Variants in KL observed in about 807,000 individuals in gnomAD.
The protein encoded by KL is alpha-klotho.
A neutral mutation model predicts 84.2 loss-of-function variants in KL; 62 were observed. That is an observed-to-expected ratio of 0.74 (90% CI 0.60 to 0.91). The LOEUF (loss-of-function observed/expected upper bound fraction) is 0.91, where lower values mean the gene tolerates loss of function less well. KL is among the 40% of genes least tolerant of loss of function. The pLI is 0.00. For synonymous variants in KL, 528 were observed against 528.0 expected, an observed-to-expected ratio of 1.00 and a Z score of 0.00; for missense variants, 1,261 against 1,305.7, an observed-to-expected ratio of 0.97 and a Z score of 0.53.
At chr13:33,057,982 C>A (rs1208429346) in intron 3 of KL, among the ~76,000 whole-genome samples, 1 of 152,202 alleles carries the variant, frequency 6.6e-6, no homozygotes, top group Admixed American at 6.5e-5. Context: ...GCATGCATTT[C>A]ACCTGAACAA....
intron 1 of KL, among the ~76,000 whole-genome samples, chr13:33,028,224 T>A (rs1251480889): frequency 6.6e-6 from 1 of 152,230 alleles, no homozygotes; most frequent in Non-Finnish European, 1.5e-5. Context: ...TAGCAACTGA[T>A]GGCCTCAGTC....
intron 1 of KL, among the ~76,000 whole-genome samples, chr13:33,031,721 T>C (rs1190291319): frequency 1.3e-5 from 2 of 152,176 alleles, no homozygotes; most frequent in African/African-American, 2.4e-5. Context: ...AATATGATAG[T>C]TATTACGAGA....
At chr13:33,052,384 C>T (rs1871787211) in intron 1 of KL, among the ~76,000 whole-genome samples, 1 of 152,116 alleles carries the variant, frequency 6.6e-6, no homozygotes, top group African/African-American at 2.4e-5. Context: ...AGAAGTGTGG[C>T]ACGATTAAGA....
chr13:33,039,766 G>A (rs1391271988), intron 1 of KL, among the ~76,000 whole-genome samples: 1 of 152,194 alleles, frequency 6.6e-6, no homozygotes, highest in African/African-American at 2.4e-5. Context: ...TTCAGGGCTA[G>A]TAGGTTGGCA....
chr13:33,054,181 A>G lies in KL; in HGVS notation c.1234A>G (p.Ile412Val), dbSNP rs1307500604. The G allele has an allele frequency of 1.1e-5, 17 of 1,613,828 alleles. No individual in the cohort carries two copies. The highest frequency in any genetic ancestry group is 1.4e-5 in the Non-Finnish European group (17 of 1,179,922). ...DLEFNHPQIF[I>V]VENGWFVSGT... The stretch of plus-strand genomic sequence containing the variant: ...TGAATTTAACCATCCTCAAATATTT[A>G]TTGTGGAAAATGGCTGGTTTGTCTC... The change falls in exon 2 of 5, where the codon ATT becomes GTT. Residue 412 changes from isoleucine (I) to valine (V), a missense_variant. Transcript: ENST00000380099.
intron 3 of KL, 98 bp from the exon 4 acceptor site, chr13:33,060,581 T>G: frequency 7.5e-7 from 1 of 1,337,544 alleles, no homozygotes; most frequent in South Asian, 1.2e-5. Context: ...GGCTTCTATT[T>G]TTGCTCATAT....
chr13:33,054,971 G>A (rs967122817), intron 2 of KL, 76 bp from the exon 3 acceptor site: 44 of 1,579,322 alleles, frequency 2.8e-5, no homozygotes, highest in African/African-American at 4.0e-5. Context: ...AGTAGGAAAC[G>A]CTCAGCTGCT....
intron 1 of KL, among the ~76,000 whole-genome samples, chr13:33,024,452 C>T (rs1228632585): frequency 1.3e-5 from 2 of 152,206 alleles, no homozygotes; most frequent in Non-Finnish European, 2.9e-5. Flanking sequence ...TCATCCATCA[C>T]CATTGTCCTG....
intron 1 of KL, among the ~76,000 whole-genome samples, chr13:33,035,846 A>C (rs1465041406): frequency 6.6e-6 from 1 of 152,228 alleles, no homozygotes; most frequent in African/African-American, 2.4e-5. Flanking sequence ...ACTAATGTTA[A>C]TTAGTTCTGT....
At chr13:33,034,726 G>A (rs776616342) in intron 1 of KL, among the ~76,000 whole-genome samples, 7 of 152,056 alleles carry the variant, frequency 4.6e-5, no homozygotes, top group Non-Finnish European at 7.4e-5. Context: ...GTTTTTCTTT[G>A]ATTTGTTCCC....
chr13:33,027,310 C>A (rs1271996240), intron 1 of KL, among the ~76,000 whole-genome samples: 2 of 152,272 alleles, frequency 1.3e-5, no homozygotes, highest in African/African-American at 4.8e-5. Flanking sequence ...AGGGACGAGG[C>A]CTCTTCAGCA....
At chr13:33,029,719 C>T (rs546971281) in intron 1 of KL, among the ~76,000 whole-genome samples, 32 of 152,204 alleles carry the variant, frequency 2.1e-4, no homozygotes, top group African/African-American at 7.5e-4. Context: ...CTCCAAGCTC[C>T]GCCTCCCAGG....
At chr13:33,039,593 G>A (rs973730191) in intron 1 of KL, among the ~76,000 whole-genome samples, 1 of 152,100 alleles carries the variant, frequency 6.6e-6, no homozygotes, top group Non-Finnish European at 1.5e-5. Flanking sequence ...CAGGGGAGAT[G>A]GGAATTGAGC....
intron 1 of KL, among the ~76,000 whole-genome samples, chr13:33,023,879 A>C (rs1399285110): frequency 6.6e-6 from 1 of 152,250 alleles, no homozygotes; most frequent in Admixed American, 6.5e-5. Flanking sequence ...TTAGAATCAG[A>C]AGGAATTTGG....
rs946859998 is a variant in KL, at chr13:33,062,682, A to G, written c.2701+902A>G. 1.1e-3 allele frequency among the ~76,000 whole-genome samples: 159 copies of G among 151,348 alleles called. 2 individuals carry two copies. Among genetic ancestry groups the G allele is most frequent in the African/African-American group, 3.7e-3 (151 of 41,280 alleles). ...AGCAAGACTCCATCTCAAAAAAAAA[A>G]AAAAAAAAAAAAGGATTTAACCCAA... is the stretch of plus-strand genomic sequence containing the variant. On this transcript the variant is annotated intron_variant, in intron 4 of 4. Transcript: ENST00000380099.
intron 1 of KL, among the ~76,000 whole-genome samples, chr13:33,019,623 G>A (rs1272834127): frequency 2.6e-5 from 4 of 151,830 alleles, no homozygotes; most frequent in Admixed American, 2.0e-4. Context: ...ACAAACAGCA[G>A]GACAAATAAT....
intron 1 of KL, among the ~76,000 whole-genome samples, chr13:33,032,033 C>T (rs890863917): frequency 2.0e-5 from 3 of 151,874 alleles, no homozygotes; most frequent in Non-Finnish European, 2.9e-5. Flanking sequence ...GTTTTCTGAA[C>T]CCCTATTCCC....
At chr13:33,058,531 C>T (rs1411344959) in intron 3 of KL, among the ~76,000 whole-genome samples, 1 of 151,676 alleles carries the variant, frequency 6.6e-6, no homozygotes. Context: ...TAGTAGAGAC[C>T]GGGTTTCACT....
intron 1 of KL, among the ~76,000 whole-genome samples, chr13:33,031,051 A>G (rs1280465644): frequency 3.3e-5 from 5 of 152,198 alleles, no homozygotes; most frequent in Non-Finnish European, 1.5e-5. Context: ...TAAAGAAATA[A>G]TATAATAAAA....
Sources: gnomAD v4.1 joint callset for allele counts (sites outside exome capture counted in the v4.1 genomes callset) on GRCh38, gnomAD v4.1.1 for gene constraint, MANE v1.5 for transcripts, NCBI Gene and HGNC (gene_info 2026-07-23, HGNC 2026-07-21) for gene names.